Variants in STK39 observed in about 807,000 individuals in gnomAD.
The protein encoded by STK39 is serine/threonine kinase 39.
Under a neutral mutation model 77.8 loss-of-function variants are expected in STK39, and 20 were observed. The observed-to-expected ratio is 0.26, with a 90% CI of 0.18 to 0.37. The LOEUF (loss-of-function observed/expected upper bound fraction) is 0.37, where lower values mean the gene tolerates loss of function less well. Among genes scored for constraint, STK39 ranks in the 10% least tolerant of loss-of-function variants. STK39 has a pLI of 1.00. For missense variants in STK39, 479 were observed against 656.5 expected, an observed-to-expected ratio of 0.73 and a Z score of 2.95; for synonymous variants, 246 against 234.1, an observed-to-expected ratio of 1.05 and a Z score of -0.47.
chr2:168,101,355 TAAAAAG>T (rs914383750), intron 10 of STK39, among the ~76,000 whole-genome samples: 10 of 152,064 alleles, frequency 6.6e-5, no homozygotes, highest in African/African-American at 9.7e-5. Flanking sequence ...TAAAGTATAA[TAAAAAG>T]AAAAAGAAAA....
intron 5 of STK39, among the ~76,000 whole-genome samples, chr2:168,142,631 G>A (rs1034245928): frequency 6.6e-6 from 1 of 152,088 alleles, no homozygotes; most frequent in South Asian, 2.1e-4. Context: ...AGCCGAAAAA[G>A]ATGTATAGTA....
At chr2:167,968,579 C>T (rs959804682) in intron 16 of STK39, among the ~76,000 whole-genome samples, 4 of 152,152 alleles carry the variant, frequency 2.6e-5, no homozygotes, top group African/African-American at 9.7e-5. Flanking sequence ...GTCTAATGTA[C>T]TACTTCCAAT....
intron 8 of STK39, among the ~76,000 whole-genome samples, chr2:168,137,153 T>C (rs1334006293): frequency 6.6e-6 from 1 of 152,144 alleles, no homozygotes; most frequent in Non-Finnish European, 1.5e-5. Context: ...AAATTTAAGA[T>C]CAAAATAAAG....
rs529501370 is a variant in STK39, at chr2:168,085,521, T to C, written c.1090-10290A>G. 5.3e-5 allele frequency among the ~76,000 whole-genome samples: 8 copies of C among 152,364 alleles called. No homozygotes were observed. The South Asian group carries it at 1.7e-3, about 32-fold the overall frequency. On this transcript the variant is annotated intron_variant, in intron 10 of 17. Transcript: ENST00000355999. Reference sequence around the variant, plus strand: ...GGAGCTGTGCCCATGGCACCAGTCCTGAGGAGCCTCCTCTGCACCCAGATC... The same window carrying C: ...GGAGCTGTGCCCATGGCACCAGTCCCGAGGAGCCTCCTCTGCACCCAGATC...
Position 168,184,294 on chromosome 2 carries a change from G to T in STK39, c.209-2204C>A, listed in dbSNP as rs915263429. 2.0e-5 allele frequency among the ~76,000 whole-genome samples: 3 copies of T among 152,216 alleles called. No individual in the cohort carries two copies. In the East Asian group the frequency reaches 5.8e-4, roughly 29 times the overall value. On this transcript the variant is annotated intron_variant, in intron 1 of 17. Transcript: ENST00000355999. ...CTTTTATTAAAGCTTTACAGCTAGAGAATTGTTACTGCTTTACAACTACAG... is the reference window on the plus strand; with the variant it reads ...CTTTTATTAAAGCTTTACAGCTAGATAATTGTTACTGCTTTACAACTACAG...
chr2:167,961,472 T>C (rs1691958088), intron 17 of STK39, among the ~76,000 whole-genome samples: 1 of 152,258 alleles, frequency 6.6e-6, no homozygotes, highest in African/African-American at 2.4e-5. Context: ...TTTCAAAAAT[T>C]CCACATTGAA....
intron 10 of STK39, among the ~76,000 whole-genome samples, chr2:168,093,377 C>G (rs980324281): frequency 6.6e-6 from 1 of 152,164 alleles, no homozygotes; most frequent in Non-Finnish European, 1.5e-5. Context: ...GTGGGAGGAG[C>G]TAAAGCAACA....
At chr2:168,214,253 C>CA (rs151157426) in intron 1 of STK39, among the ~76,000 whole-genome samples, 34,946 of 68,860 alleles carry the variant, frequency 0.51, 4,353 homozygotes, top group Non-Finnish European at 0.57. Flanking sequence ...ACAACAACAA[C>CA]AACAAAAAAA....
intron 5 of STK39, among the ~76,000 whole-genome samples, chr2:168,156,413 G>C (rs74708459): frequency 0.023 from 2,829 of 123,718 alleles, 41 homozygotes; most frequent in Non-Finnish European, 0.038. Flanking sequence ...GCAAGAGGAA[G>C]ATACAGTCAG....
chr2:168,169,228 T>A, intron 2 of STK39, among the ~76,000 whole-genome samples: 1 of 152,132 alleles, frequency 6.6e-6, no homozygotes, highest in East Asian at 1.9e-4. Flanking sequence ...TAGGTTCTGA[T>A]GCCATAAGAC....
chr2:168,143,910 C>T (rs1320067056), intron 5 of STK39, among the ~76,000 whole-genome samples: 2 of 152,186 alleles, frequency 1.3e-5, no homozygotes, highest in African/African-American at 2.4e-5. Flanking sequence ...GATGCTTTGT[C>T]GTCTAGGTAC....
chr2:168,011,666 A>G (rs1489444865), intron 16 of STK39, among the ~76,000 whole-genome samples: 6 of 152,074 alleles, frequency 3.9e-5, no homozygotes, highest in African/African-American at 1.4e-4. Context: ...CAGGAGGTCT[A>G]TGGGTGGTTG....
intron 14 of STK39, among the ~76,000 whole-genome samples, chr2:168,035,056 T>C (rs553617295): frequency 1.1e-4 from 16 of 152,330 alleles, no homozygotes; most frequent in Admixed American, 9.8e-4. Context: ...TTTGAAAGAC[T>C]TGGAACCAAT....
intron 5 of STK39, among the ~76,000 whole-genome samples, chr2:168,146,741 T>C (rs906008647): frequency 6.6e-6 from 1 of 152,010 alleles, no homozygotes; most frequent in Non-Finnish European, 1.5e-5. Flanking sequence ...AAAGTGACCA[T>C]GCAGGGATGT....
intron 17 of STK39, among the ~76,000 whole-genome samples, chr2:167,963,076 T>C (rs1692038360): frequency 6.6e-6 from 1 of 152,152 alleles, no homozygotes; most frequent in South Asian, 2.1e-4. Context: ...GGAGGATTAC[T>C]CTGGCTACAG....
chr2:168,069,389 C>T (rs1298162972), intron 12 of STK39, among the ~76,000 whole-genome samples: 5 of 152,106 alleles, frequency 3.3e-5, no homozygotes, highest in African/African-American at 1.2e-4. Flanking sequence ...AATTAGGAAA[C>T]AGAAATATTT....
chr2:168,226,329 T>C (rs1291198661), intron 1 of STK39, among the ~76,000 whole-genome samples: 1 of 152,036 alleles, frequency 6.6e-6, no homozygotes, highest in Non-Finnish European at 1.5e-5. Flanking sequence ...AACCCAGGAT[T>C]ATGGATGAGA....
intron 15 of STK39, 31 bp downstream of exon 15, chr2:168,017,012 C>T: frequency 1.3e-6 from 2 of 1,549,916 alleles, no homozygotes; most frequent in Non-Finnish European, 1.8e-6. Context: ...CTCTTTGAGG[C>T]AATAAAATAA....
chr2:168,177,615 T>TA (rs1157829077), intron 2 of STK39, among the ~76,000 whole-genome samples: 1 of 152,158 alleles, frequency 6.6e-6, no homozygotes, highest in East Asian at 1.9e-4. Context: ...CACCTGGTGA[T>TA]AGAGGCTGAA....
Sources: allele counts gnomAD v4.1 joint callset (sites outside exome capture counted in the v4.1 genomes callset), GRCh38; gene constraint gnomAD v4.1.1; transcripts MANE v1.5; gene names NCBI Gene and HGNC (gene_info 2026-07-23, HGNC 2026-07-21).